XXYLT1: variants seen among roughly 807,000 people sequenced by gnomAD.
The protein encoded by XXYLT1 is UDP-xylose:alpha-xyloside alpha-1,3-xylosyltransferase.
Under a neutral mutation model 28.9 loss-of-function variants are expected in XXYLT1, and 20 were observed. The observed-to-expected ratio is 0.69, with a 90% CI of 0.49 to 1.00. The LOEUF (loss-of-function observed/expected upper bound fraction) is 1.00. Among genes scored for constraint, XXYLT1 ranks in the 50% least tolerant of loss-of-function variants. The pLI is 0.00. For missense variants in XXYLT1, 542 were observed against 560.1 expected, an observed-to-expected ratio of 0.97 and a Z score of 0.33; for synonymous variants, 257 against 253.8, an observed-to-expected ratio of 1.01 and a Z score of -0.12.
intron 2 of XXYLT1, among the ~76,000 whole-genome samples, chr3:195,159,760 C>T (rs929283283): frequency 3.3e-5 from 5 of 152,086 alleles, no homozygotes; most frequent in Non-Finnish European, 7.4e-5. Flanking sequence ...GGCTGGCGGC[C>T]GATGCTTCCG....
intron 1 of XXYLT1, among the ~76,000 whole-genome samples, chr3:195,261,230 C>T (rs951444763): frequency 2.0e-5 from 3 of 152,146 alleles, no homozygotes; most frequent in Non-Finnish European, 2.9e-5. Flanking sequence ...GTCAGGAGTT[C>T]GAGCCCAGCC....
intron 1 of XXYLT1, chr3:195,259,789 C>T: frequency 2.0e-6 from 1 of 491,024 alleles, no homozygotes; most frequent in South Asian, 8.7e-5. Context: ...CGAGGGGCCA[C>T]CCCCACCACG....
At chr3:195,110,165 GGTGT>G in intron 3 of XXYLT1, among the ~76,000 whole-genome samples, 1 of 59,990 alleles carries the variant, frequency 1.7e-5, no homozygotes, top group African/African-American at 4.8e-5. Flanking sequence ...TGTTGTGTGT[GGTGT>G]CTGAGTATGT....
intron 3 of XXYLT1, among the ~76,000 whole-genome samples, chr3:195,097,778 G>C (rs534719535): frequency 6.6e-6 from 1 of 152,242 alleles, no homozygotes; most frequent in Admixed American, 6.5e-5. Context: ...TTCTCCGGGG[G>C]AGTGTGAGTG....
At position 195,076,322 on chromosome 3, in the gene XXYLT1, G is replaced by A. The variant is rs530624067; in HGVS notation, c.786-6211C>T. Among the ~76,000 whole-genome samples the A allele has an allele frequency of 1.5e-4, 22 of 142,448 alleles. No homozygotes were observed. Among genetic ancestry groups the A allele is most frequent in the African/African-American group, 5.5e-4 (22 of 39,804 alleles). 93.5% of individuals were successfully genotyped at this position (142,448 alleles called of 152,430 possible). A position where few individuals can be genotyped will look rare whatever the true frequency, so the allele number is the denominator to read the frequency against. Reference sequence around the variant, plus strand: ...ACCCGTTCCAGAGAGGAAGAAGCCCGCACGGGGTCACGGGGCCGACTGCGG... The same window carrying A: ...ACCCGTTCCAGAGAGGAAGAAGCCCACACGGGGTCACGGGGCCGACTGCGG... On this transcript the variant is annotated intron_variant, in intron 3 of 3. Transcript: ENST00000310380. This position sits in a 1 kb window ranked among gnomAD's most constrained non-coding sequence, Gnocchi z 5.3.
At chr3:195,159,235 C>T (rs906648287) in intron 2 of XXYLT1, among the ~76,000 whole-genome samples, 3 of 152,148 alleles carry the variant, frequency 2.0e-5, no homozygotes, top group African/African-American at 4.8e-5. Context: ...CTTGAGAAAA[C>T]GCAACAAAAA....
chr3:195,095,798 A>C (rs1183119810), intron 3 of XXYLT1: 1 of 152,240 alleles, frequency 6.6e-6, no homozygotes, highest in Non-Finnish European at 1.5e-5. Context: ...GAGTGGGTAC[A>C]TGTGGAGCTG....
chr3:195,178,494 G>C (rs180904388), intron 2 of XXYLT1, among the ~76,000 whole-genome samples: 56 of 152,358 alleles, frequency 3.7e-4, no homozygotes, highest in African/African-American at 1.3e-3. Context: ...GGCACACACA[G>C]AGGATTTGGT....
chr3:195,190,493 C>CAA (rs57722997), intron 2 of XXYLT1, among the ~76,000 whole-genome samples: 24 of 34,940 alleles, frequency 6.9e-4, no homozygotes, highest in Non-Finnish European at 1.3e-3. Flanking sequence ...GACTCTGTCT[C>CAA]AAAAAAAAAA....
chr3:195,094,263 T>TG (rs1345812701), intron 3 of XXYLT1: 1 of 152,942 alleles, frequency 6.5e-6, no homozygotes, highest in African/African-American at 2.4e-5. Flanking sequence ...CACGCCCCAC[T>TG]GCCTGTCTGC....
At chr3:195,125,648 G>C (rs756580257) in intron 3 of XXYLT1, among the ~76,000 whole-genome samples, 4 of 152,226 alleles carry the variant, frequency 2.6e-5, no homozygotes, top group Non-Finnish European at 5.9e-5. Context: ...CTGGCCCCAC[G>C]CTTCCAAATG....
intron 1 of XXYLT1, among the ~76,000 whole-genome samples, chr3:195,229,404 TTTTAG>T (rs1724206762): frequency 6.6e-6 from 1 of 152,220 alleles, no homozygotes; most frequent in East Asian, 1.9e-4. Flanking sequence ...AATCCAATTA[TTTTAG>T]TTATTTGAAA....
At chr3:195,154,294 G>A (rs950829686) in intron 3 of XXYLT1, among the ~76,000 whole-genome samples, 2 of 152,156 alleles carry the variant, frequency 1.3e-5, no homozygotes, top group African/African-American at 2.4e-5. Context: ...TTCAGGAGTT[G>A]GGCACGTGGG....
rs914268990 is a variant in XXYLT1, at chr3:195,210,186, G to A, written c.652+16523C>T. ...TCATCCTCCTCAAAGCTTCCTCTCT[G>A]TGCCCTGACAGAACTGACAGCACCT... is the stretch of plus-strand genomic sequence containing the variant. On this transcript the variant is annotated intron_variant, in intron 2 of 3. Coordinates refer to ENST00000310380, the MANE Select transcript of XXYLT1 (RefSeq NM_152531.5). This position sits in a 1 kb window ranked among gnomAD's most constrained non-coding sequence, Gnocchi z 4.8. Among the ~76,000 whole-genome samples, 2 of 152,162 alleles carry A rather than the reference G, an allele frequency of 1.3e-5. No homozygotes were observed. The highest frequency in any genetic ancestry group is 4.1e-4 in the South Asian group (2 of 4,832).
At chr3:195,202,805 G>A (rs1355902326) in intron 2 of XXYLT1, among the ~76,000 whole-genome samples, 1 of 152,226 alleles carries the variant, frequency 6.6e-6, no homozygotes, top group Admixed American at 6.5e-5. Flanking sequence ...AGAGAAGATA[G>A]TAGGCCATAA....
At position 195,256,149 on chromosome 3, in the gene XXYLT1, C is replaced by T. The variant is rs1046156542; in HGVS notation, c.504+14406G>A. Among the ~76,000 whole-genome samples the T allele has an allele frequency of 6.6e-6, 1 of 152,202 alleles. No individual in the cohort carries two copies. Among genetic ancestry groups the T allele is most frequent in the African/African-American group, 2.4e-5 (1 of 41,450 alleles). On this transcript the variant is annotated intron_variant, in intron 1 of 3. Transcript: ENST00000310380. This position sits in a 1 kb window ranked among gnomAD's most constrained non-coding sequence, Gnocchi z 4.2. Reference sequence around the variant, plus strand: ...ACAAACCGCCAAAATCAACAGGCATCGGGCAGAGTGCTGAAGAATCAGCAA... The same window carrying T: ...ACAAACCGCCAAAATCAACAGGCATTGGGCAGAGTGCTGAAGAATCAGCAA...
chr3:195,190,493 CAAAAAAAA>C (rs57722997), intron 2 of XXYLT1, among the ~76,000 whole-genome samples: 11 of 34,986 alleles, frequency 3.1e-4, no homozygotes, highest in Non-Finnish European at 2.6e-4. Context: ...GACTCTGTCT[CAAAAAAAA>C]AAAAAAAAAA....
chr3:195,198,643 A>G (rs1445567825), intron 2 of XXYLT1, among the ~76,000 whole-genome samples: 1 of 152,156 alleles, frequency 6.6e-6, no homozygotes, highest in Non-Finnish European at 1.5e-5. Flanking sequence ...ATTATTTTCC[A>G]CTACTAAGTG....
chr3:195,235,763 G>A (rs1054520278), intron 1 of XXYLT1, among the ~76,000 whole-genome samples: 58 of 152,188 alleles, frequency 3.8e-4, no homozygotes, highest in African/African-American at 1.3e-3. Context: ...CAGCAATGCC[G>A]TGGTTCTTGC....
Sources: gnomAD v4.1 joint callset for allele counts (sites outside exome capture counted in the v4.1 genomes callset) on GRCh38, gnomAD v4.1.1 for gene constraint, Gnocchi (gnomAD v3.1) non-coding constraint, MANE v1.5 for transcripts, NCBI Gene and HGNC (gene_info 2026-07-23, HGNC 2026-07-21) for gene names.